Variants in RAP1GAP2 observed in about 807,000 individuals in gnomAD.
RAP1GAP2 encodes the protein rap1 GTPase-activating protein 2.
Under a neutral mutation model 95.0 loss-of-function variants are expected in RAP1GAP2, and 27 were observed. That is an observed-to-expected ratio of 0.28 (90% CI 0.21 to 0.39). RAP1GAP2 has a LOEUF of 0.39. RAP1GAP2 is among the 10% of genes least tolerant of loss of function. RAP1GAP2 has a pLI of 1.00. For synonymous variants in RAP1GAP2, 373 were observed against 380.9 expected (o/e 0.98, Z 0.24); for missense variants, 771 against 970.0 (o/e 0.79, Z 2.72).
chr17:2,822,484 G>A (rs1009187528), intron 2 of RAP1GAP2, among the ~76,000 whole-genome samples: 1 of 151,998 alleles, frequency 6.6e-6, no homozygotes, highest in Non-Finnish European at 1.5e-5. Flanking sequence ...AATTAGCCAG[G>A]TGTTGTGTGG....
chr17:2,804,715 A>C (rs886685627), intron 2 of RAP1GAP2, among the ~76,000 whole-genome samples: 1 of 152,164 alleles, frequency 6.6e-6, no homozygotes, highest in Non-Finnish European at 1.5e-5. Flanking sequence ...GCAAGGATTT[A>C]CTTAACTGCA....
chr17:2,822,972 G>C, intron 2 of RAP1GAP2, among the ~76,000 whole-genome samples: 1 of 152,126 alleles, frequency 6.6e-6, no homozygotes, highest in East Asian at 1.9e-4. Flanking sequence ...AAGTAGCCGG[G>C]TGTGGTGGTG....
Position 2,992,802 on chromosome 17 carries a change from C to T in RAP1GAP2, c.914+1405C>T, listed in dbSNP as rs576219694. Among the ~76,000 whole-genome samples, 9 of 152,262 alleles carry T rather than the reference C, an allele frequency of 5.9e-5. No homozygotes were observed. The East Asian group carries it at 7.7e-4, about 13-fold the overall frequency. Reference sequence around the variant, plus strand: ...TCTTCTCCCTCCCTCAAGGTCATCACGGCTGTCTGGGGTCAGTCACACCTG... The same window carrying T: ...TCTTCTCCCTCCCTCAAGGTCATCATGGCTGTCTGGGGTCAGTCACACCTG... On this transcript the variant is annotated intron_variant, in intron 12 of 24. Transcript: ENST00000254695.
intron 1 of RAP1GAP2, among the ~76,000 whole-genome samples, chr17:2,785,968 C>G (rs999123426): frequency 7.1e-6 from 1 of 141,096 alleles, no homozygotes; most frequent in Non-Finnish European, 1.5e-5. Flanking sequence ...GTGGTCAGAT[C>G]TCGGCTCACC....
rs2072167663 is a variant in RAP1GAP2 at position 2,857,024 on chromosome 17, G to A, written c.81-48260G>A. Among the ~76,000 whole-genome samples, 1 of 152,212 alleles carries A rather than the reference G, an allele frequency of 6.6e-6. No individual in the cohort carries two copies. On this transcript the variant is annotated intron_variant, in intron 2 of 24. Coordinates refer to ENST00000254695, the MANE Select transcript of RAP1GAP2 (RefSeq NM_015085.5). This position sits in a 1 kb window ranked among gnomAD's most constrained non-coding sequence, Gnocchi z 4.0. ...AGGTGCTGGTGGCCACGGGAGGCCT[G>A]GAGCAGGCTGCAGCTGCCAGCCTCT...
intron 3 of RAP1GAP2, among the ~76,000 whole-genome samples, chr17:2,937,021 C>G (rs980299592): frequency 6.6e-6 from 1 of 152,186 alleles, no homozygotes; most frequent in Non-Finnish European, 1.5e-5. Flanking sequence ...GCTAATTAAA[C>G]GAGAAGTTTT....
chr17:2,798,630 G>A (rs1247688304), intron 1 of RAP1GAP2, among the ~76,000 whole-genome samples: 1 of 130,020 alleles, frequency 7.7e-6, no homozygotes, highest in African/African-American at 2.8e-5. Context: ...GGCACCAGGG[G>A]CAGACAAGGT....
At chr17:2,916,229 A>G (rs977064216) in intron 3 of RAP1GAP2, among the ~76,000 whole-genome samples, 1 of 152,148 alleles carries the variant, frequency 6.6e-6, no homozygotes, top group Non-Finnish European at 1.5e-5. Flanking sequence ...CTCTCCAACC[A>G]TGGTGTTTCT....
chr17:2,793,304 C>T (rs375011926), upstream of RAP1GAP2, among the ~76,000 whole-genome samples: 19 of 152,234 alleles, frequency 1.2e-4, no homozygotes, highest in African/African-American at 4.6e-4. Flanking sequence ...CAGGCATGTG[C>T]CACGACGCCC....
intron 12 of RAP1GAP2, among the ~76,000 whole-genome samples, chr17:2,992,343 G>T (rs1341853893): frequency 6.6e-6 from 1 of 151,642 alleles, no homozygotes; most frequent in Non-Finnish European, 1.5e-5. Context: ...TGTATTTTTG[G>T]TAGAGACGGG....
chr17:2,830,629 G>A (rs1214231996), intron 2 of RAP1GAP2, among the ~76,000 whole-genome samples: 2 of 151,818 alleles, frequency 1.3e-5, no homozygotes. Context: ...CAGGAGAATC[G>A]CTTGAACCTG....
chr17:2,872,359 C>T (rs904019013), intron 2 of RAP1GAP2, among the ~76,000 whole-genome samples: 3 of 151,924 alleles, frequency 2.0e-5, no homozygotes, highest in Non-Finnish European at 2.9e-5. Context: ...CTCTGATGGA[C>T]CATAGGCACA....
chr17:2,869,766 C>T (rs1268539760), intron 2 of RAP1GAP2, among the ~76,000 whole-genome samples: 3 of 152,242 alleles, frequency 2.0e-5, no homozygotes, highest in Non-Finnish European at 4.4e-5. Context: ...TGCGAGCTCC[C>T]TTCTCATCCT....
At chr17:3,012,345 C>T (rs970711400) in intron 17 of RAP1GAP2, among the ~76,000 whole-genome samples, 4 of 151,924 alleles carry the variant, frequency 2.6e-5, no homozygotes, top group Middle Eastern at 3.4e-3. Flanking sequence ...TGGCTGGGCG[C>T]GGTGGCTCAC....
chr17:2,849,280 C>T (rs1459250740), intron 2 of RAP1GAP2, among the ~76,000 whole-genome samples: 1 of 152,186 alleles, frequency 6.6e-6, no homozygotes, highest in Non-Finnish European at 1.5e-5. Context: ...CCCTCGCCCC[C>T]ACCCACCCCC....
intron 2 of RAP1GAP2, among the ~76,000 whole-genome samples, chr17:2,874,859 C>T (rs934937551): frequency 1.3e-5 from 2 of 152,122 alleles, no homozygotes; most frequent in Admixed American, 6.5e-5. Context: ...TCACCCTCTG[C>T]CCTCAGTTTG....
At position 2,781,812 on chromosome 17, in the gene RAP1GAP2, GTC is replaced by G. The variant is rs548733917; in HGVS notation, c.-14+4538_-14+4539del. Among the ~76,000 whole-genome samples, 10 of 148,154 alleles carry G rather than the reference GTC, an allele frequency of 6.7e-5. No individual in the cohort carries two copies. In the East Asian group the frequency reaches 2.1e-3, roughly 31 times the overall value. Reference sequence around the variant, plus strand: ...TGTGTGTGCACGTCTGTGTGTGCACGTCTCTGTGTGTGCAGGTCTCTGTGTGG... The same window carrying G: ...TGTGTGTGCACGTCTGTGTGTGCACGTCTGTGTGTGCAGGTCTCTGTGTGG... On this transcript the variant is annotated intron_variant, in intron 1 of 24. Coordinates refer to the RAP1GAP2 transcript ENST00000540393.
intron 3 of RAP1GAP2, among the ~76,000 whole-genome samples, chr17:2,916,110 G>C (rs897890639): frequency 8.5e-5 from 13 of 152,172 alleles, no homozygotes; most frequent in Non-Finnish European, 1.6e-4. Flanking sequence ...ATACTCTGTT[G>C]TTCCAGTACT....
At chr17:2,873,334 T>C (rs1388222644) in intron 2 of RAP1GAP2, among the ~76,000 whole-genome samples, 1 of 142,956 alleles carries the variant, frequency 7.0e-6, no homozygotes, top group African/African-American at 2.6e-5. Flanking sequence ...AATTAGCCGG[T>C]TGGGGCGGGG....
Sources: allele counts gnomAD v4.1 joint callset (sites outside exome capture counted in the v4.1 genomes callset), GRCh38; gene constraint gnomAD v4.1.1; non-coding constraint Gnocchi (gnomAD v3.1); transcripts MANE v1.5; gene names NCBI Gene and HGNC (gene_info 2026-07-23, HGNC 2026-07-21).